TMEM132B: variants seen among roughly 807,000 people sequenced by gnomAD.
TMEM132B encodes transmembrane protein 132B.
TMEM132B carries 18 observed loss-of-function variants against 90.8 expected under a neutral mutation model. The ratio of observed to expected loss-of-function variants is 0.20; its 90% CI spans 0.14 to 0.29. The LOEUF (loss-of-function observed/expected upper bound fraction) is 0.29. Ranked by LOEUF, TMEM132B falls within the 10% of genes least tolerant of loss-of-function variation. The probability of loss-of-function intolerance (pLI) is 1.00; values close to 1 mark genes in which losing one functional copy is unlikely to be tolerated. For synonymous variants in TMEM132B, 504 were observed against 523.3 expected (o/e 0.96, Z 0.50); for missense variants, 1,096 against 1,326.8 (o/e 0.83, Z 2.70).
rs139534694 is a variant in TMEM132B at position 125,225,818 on chromosome 12, C to A, written c.67+38952C>A. Reference sequence around the variant, plus strand: ...AAGTAGTGCACCTCCTTCTTACTTGCGTTCCATTAATTCAGGCTCAGTCAC... The same window carrying A: ...AAGTAGTGCACCTCCTTCTTACTTGAGTTCCATTAATTCAGGCTCAGTCAC... On this transcript the variant is annotated intron_variant, in intron 1 of 8. Coordinates refer to ENST00000682704, the MANE Select transcript of TMEM132B (RefSeq NM_001366854.1). Among the ~76,000 whole-genome samples the A allele has an allele frequency of 2.0e-5, 3 of 152,260 alleles. No homozygotes were observed. In the East Asian group the frequency reaches 5.8e-4, roughly 29 times the overall value.
intron 5 of TMEM132B, among the ~76,000 whole-genome samples, chr12:125,591,055 C>T (rs113206757): frequency 7.0e-4 from 106 of 151,994 alleles, no homozygotes; most frequent in Middle Eastern, 3.4e-3. Context: ...GTGTGTGTTG[C>T]GGTGGGGAGT....
At chr12:125,344,050 A>G (rs1256063087) in intron 1 of TMEM132B, among the ~76,000 whole-genome samples, 1 of 152,206 alleles carries the variant, frequency 6.6e-6, no homozygotes, top group Non-Finnish European at 1.5e-5. Flanking sequence ...TAGGTACTGG[A>G]GATTGTGCCG....
intron 3 of TMEM132B, among the ~76,000 whole-genome samples, chr12:125,502,925 T>C (rs1387437017): frequency 1.3e-5 from 2 of 152,186 alleles, no homozygotes; most frequent in African/African-American, 4.8e-5. Context: ...TTATGTTTCC[T>C]GGCTTCTTTT....
chr12:125,579,505 G>A (rs1282687046), intron 4 of TMEM132B, among the ~76,000 whole-genome samples: 1 of 151,818 alleles, frequency 6.6e-6, no homozygotes, highest in African/African-American at 2.4e-5. Context: ...GGGATTACAG[G>A]TGTGGTGGCA....
At chr12:125,297,509 C>G (rs1875700999) in intron 1 of TMEM132B, among the ~76,000 whole-genome samples, 1 of 152,220 alleles carries the variant, frequency 6.6e-6, no homozygotes, top group African/African-American at 2.4e-5. Flanking sequence ...TCAGCGGCCA[C>G]CTATTGCTGG....
intron 1 of TMEM132B, among the ~76,000 whole-genome samples, chr12:125,187,576 A>G: frequency 6.6e-6 from 1 of 152,234 alleles, no homozygotes; most frequent in Non-Finnish European, 1.5e-5. Flanking sequence ...GGTGCTGTCC[A>G]GAGCCATTGC....
intron 6 of TMEM132B, among the ~76,000 whole-genome samples, chr12:125,649,029 A>G (rs1211613663): frequency 6.6e-6 from 1 of 152,220 alleles, no homozygotes; most frequent in Non-Finnish European, 1.5e-5. Context: ...AAATGGGAAT[A>G]ACTTTTCAGT....
rs561128251 is a variant in TMEM132B, at chr12:125,458,314, A to G, written c.1106+42637A>G. 1.4e-4 allele frequency among the ~76,000 whole-genome samples: 21 copies of G among 152,290 alleles called. No individual in the cohort carries two copies. The highest frequency in any genetic ancestry group is 2.4e-4 in the Non-Finnish European group (16 of 68,008). The stretch of plus-strand genomic sequence containing the variant: ...AAGTGCAGCTCAGGAGCTTGTGTCC[A>G]TGACAGAGTAATTGGCCAGACTGGT... On this transcript the variant is annotated intron_variant, in intron 3 of 8. Coordinates refer to ENST00000682704, the MANE Select transcript of TMEM132B (RefSeq NM_001366854.1). The surrounding 1 kb of genome is among the most constrained non-coding windows in gnomAD (Gnocchi z 4.9).
At chr12:125,244,366 G>A (rs1048179733) in intron 1 of TMEM132B, among the ~76,000 whole-genome samples, 3 of 152,204 alleles carry the variant, frequency 2.0e-5, no homozygotes, top group Non-Finnish European at 2.9e-5. Flanking sequence ...GCAGAGGTGG[G>A]TGTGAGGCAT....
intron 3 of TMEM132B, among the ~76,000 whole-genome samples, chr12:125,483,359 T>C (rs2136534561): frequency 6.6e-6 from 1 of 152,320 alleles, no homozygotes; most frequent in East Asian, 1.9e-4. Context: ...AGTCTGTATG[T>C]GTATACAGTC....
chr12:125,311,167 G>A (rs749266517), intron 1 of TMEM132B, among the ~76,000 whole-genome samples: 23 of 152,302 alleles, frequency 1.5e-4, no homozygotes, highest in Non-Finnish European at 2.9e-4. Flanking sequence ...TTTAAAGGGA[G>A]ATTCTTTCTT....
intron 4 of TMEM132B, among the ~76,000 whole-genome samples, chr12:125,580,183 C>T (rs956545561): frequency 1.3e-5 from 2 of 152,194 alleles, no homozygotes; most frequent in Non-Finnish European, 2.9e-5. Flanking sequence ...GGCATGCACA[C>T]AGCCCTAAGT....
intron 1 of TMEM132B, among the ~76,000 whole-genome samples, chr12:125,265,607 G>A (rs1159357905): frequency 1.3e-5 from 2 of 152,096 alleles, no homozygotes; most frequent in East Asian, 1.9e-4. Context: ...CAACTTTTGC[G>A]AACTGAACAC....
intron 3 of TMEM132B, among the ~76,000 whole-genome samples, chr12:125,421,250 T>C (rs1205454681): frequency 6.6e-6 from 1 of 152,236 alleles, no homozygotes; most frequent in East Asian, 1.9e-4. Flanking sequence ...ACTTACTGTA[T>C]TAGTCTCTTC....
chr12:125,210,386 G>A (rs2136065140), intron 1 of TMEM132B, among the ~76,000 whole-genome samples: 1 of 152,286 alleles, frequency 6.6e-6, no homozygotes, highest in South Asian at 2.1e-4. Context: ...AGGGGATGTG[G>A]ACTGCCGATG....
intron 4 of TMEM132B, among the ~76,000 whole-genome samples, chr12:125,569,455 T>C (rs1355911160): frequency 2.6e-5 from 4 of 152,170 alleles, no homozygotes; most frequent in Non-Finnish European, 4.4e-5. Context: ...GCTTAAGATC[T>C]GGTGTCCATC....
intron 4 of TMEM132B, among the ~76,000 whole-genome samples, chr12:125,562,152 A>G (rs1884548463): frequency 2.0e-5 from 3 of 152,232 alleles, no homozygotes; most frequent in Non-Finnish European, 4.4e-5. Flanking sequence ...TTACAAAGAC[A>G]GTTTATTGAC....
At chr12:125,463,733 T>C (rs1048175786) in intron 3 of TMEM132B, among the ~76,000 whole-genome samples, 6 of 152,234 alleles carry the variant, frequency 3.9e-5, no homozygotes, top group African/African-American at 1.2e-4. Context: ...TTTTTCTCCT[T>C]GTTCCAGGAA....
intron 3 of TMEM132B, among the ~76,000 whole-genome samples, chr12:125,511,721 G>T (rs993849167): frequency 6.6e-6 from 1 of 151,686 alleles, no homozygotes; most frequent in African/African-American, 2.4e-5. Context: ...GTGTGGTGGC[G>T]GGCGCCTGTA....
Sources: gnomAD v4.1 joint callset for allele counts (sites outside exome capture counted in the v4.1 genomes callset) on GRCh38, gnomAD v4.1.1 for gene constraint, Gnocchi (gnomAD v3.1) non-coding constraint, MANE v1.5 for transcripts, NCBI Gene and HGNC (gene_info 2026-07-23, HGNC 2026-07-21) for gene names.